DCC: variants seen among roughly 807,000 people sequenced by gnomAD.
DCC encodes DCC netrin 1 receptor, also known as netrin receptor DCC.
A neutral mutation model predicts 172.5 loss-of-function variants in DCC; 58 were observed. The ratio of observed to expected loss-of-function variants is 0.34; its 90% confidence interval spans 0.27 to 0.42. The LOEUF (loss-of-function observed/expected upper bound fraction) is 0.42, where lower values mean the gene tolerates loss of function less well. Among genes scored for constraint, DCC ranks in the 10% least tolerant of loss-of-function variants. The pLI is 1.00. For synonymous variants in DCC, 709 were observed against 644.5 expected (o/e 1.10, Z -1.52); for missense variants, 1,740 against 1,791.0 (o/e 0.97, Z 0.51).
intron 1 of DCC, among the ~76,000 whole-genome samples, chr18:52,468,423 C>G (rs1418848139): frequency 6.6e-6 from 1 of 152,194 alleles, no homozygotes; most frequent in Non-Finnish European, 1.5e-5. Context: ...TTGCAGGGCT[C>G]TTTGGAAACA....
At chr18:52,728,718 C>T (rs761719806) in intron 1 of DCC, among the ~76,000 whole-genome samples, 1 of 152,162 alleles carries the variant, frequency 6.6e-6, no homozygotes, top group Non-Finnish European at 1.5e-5. Flanking sequence ...CAGGAATGCA[C>T]AAGCTAACAT....
At chr18:52,559,439 C>T (rs1393987947) in intron 1 of DCC, among the ~76,000 whole-genome samples, 1 of 152,128 alleles carries the variant, frequency 6.6e-6, no homozygotes, top group Non-Finnish European at 1.5e-5. Context: ...ATATATAATT[C>T]CATCTCTATT....
intron 1 of DCC, among the ~76,000 whole-genome samples, chr18:52,475,171 C>A (rs1989058004): frequency 6.6e-6 from 1 of 152,136 alleles, no homozygotes; most frequent in Admixed American, 6.6e-5. Context: ...TTCTTCATGT[C>A]TAGAGATAGA....
intron 15 of DCC, among the ~76,000 whole-genome samples, chr18:53,352,617 T>A (rs1226133789): frequency 1.3e-5 from 2 of 152,196 alleles, no homozygotes; most frequent in Non-Finnish European, 2.9e-5. Flanking sequence ...TGTGTTTTTA[T>A]AATTACAGTG....
At chr18:53,335,455 A>G (rs2057581125) in intron 14 of DCC, among the ~76,000 whole-genome samples, 1 of 152,216 alleles carries the variant, frequency 6.6e-6, no homozygotes, top group Non-Finnish European at 1.5e-5. Context: ...ATAATACATG[A>G]CCGAGTATGC....
rs140197390 is a variant in DCC at position 53,098,361 on chromosome 18, A to G, written c.1261+32195A>G. On this transcript the variant is annotated intron_variant, in intron 7 of 28. Coordinates refer to ENST00000442544, the MANE Select transcript of DCC (RefSeq NM_005215.4). The stretch of plus-strand genomic sequence containing the variant: ...ATAATATCCTTGAAAGTAAAGGGTA[A>G]GATCCAGGATCATTCATTGTACATA... Among the ~76,000 whole-genome samples the G allele has an allele frequency of 3.9e-5, 6 of 152,262 alleles. No homozygotes were observed. In the East Asian group the frequency reaches 1.2e-3, roughly 29 times the overall value.
intron 1 of DCC, among the ~76,000 whole-genome samples, chr18:52,550,977 C>G (rs1389604829): frequency 6.6e-6 from 1 of 151,536 alleles, no homozygotes; most frequent in South Asian, 2.1e-4. Flanking sequence ...TAATGATAAC[C>G]TGGAATAAGA....
chr18:52,805,084 G>C (rs1242544592), intron 2 of DCC, among the ~76,000 whole-genome samples: 1 of 151,874 alleles, frequency 6.6e-6, no homozygotes, highest in Non-Finnish European at 1.5e-5. Context: ...CTCAATTAAG[G>C]GTAGCAATTC....
intron 25 of DCC, among the ~76,000 whole-genome samples, chr18:53,482,048 TTGTGTGTTTGTGTGTATG>T (rs1299032621): frequency 6.6e-6 from 1 of 151,954 alleles, no homozygotes; most frequent in East Asian, 1.9e-4. Context: ...GTTGAAGCAT[TTGTGTGTTTGTGTGTATG>T]TGTGTGTTTG....
At chr18:52,828,090 A>C (rs932690225) in intron 2 of DCC, among the ~76,000 whole-genome samples, 1 of 152,008 alleles carries the variant, frequency 6.6e-6, no homozygotes, top group Admixed American at 6.6e-5. Context: ...CAATTCCCAC[A>C]TGCCCCATGC....
At chr18:52,525,477 A>T (rs12604911) in intron 1 of DCC, among the ~76,000 whole-genome samples, 9,946 of 152,250 alleles carry the variant, frequency 0.065, 707 homozygotes, top group East Asian at 0.39. Context: ...ATTTATCTAG[A>T]TATAGTCATC....
At chr18:52,432,004 T>C (rs946868085) in intron 1 of DCC, among the ~76,000 whole-genome samples, 19 of 152,302 alleles carry the variant, frequency 1.2e-4, no homozygotes, top group African/African-American at 3.8e-4. Flanking sequence ...CTCCCTCTGC[T>C]GATTCTTCTT....
rs148440420 is a variant in DCC, at chr18:53,013,019, G to A, written c.986-50286G>A. Among the ~76,000 whole-genome samples, 1,140 of 152,232 alleles carry A rather than the reference G, an allele frequency of 7.5e-3. 11 individuals carry two copies. The highest frequency in any genetic ancestry group is 0.01 in the Non-Finnish European group (683 of 68,002). On this transcript the variant is annotated intron_variant, in intron 5 of 28. Transcript: ENST00000442544. The stretch of plus-strand genomic sequence containing the variant: ...GAGAAATGCAAATCAAAACCACAAT[G>A]AGATACCATTTCATACCGTTAGAAT...
Position 52,818,568 on chromosome 18 carries a change from G to C in DCC, c.412+66194G>C, listed in dbSNP as rs571866637. ...CTTACTGAGCTTATTGATGCAAATG[G>C]CCTGCTCTGGGATACTAAAAGATAT... On this transcript the variant is annotated intron_variant, in intron 2 of 28. Transcript: ENST00000442544. Among the ~76,000 whole-genome samples the C allele has an allele frequency of 2.0e-5, 3 of 152,162 alleles. No homozygotes were observed. The South Asian group carries it at 6.2e-4, about 32-fold the overall frequency.
chr18:52,442,598 T>G (rs530219237), intron 1 of DCC, among the ~76,000 whole-genome samples: 8 of 152,286 alleles, frequency 5.3e-5, no homozygotes, highest in Non-Finnish European at 7.4e-5. Context: ...TCTCACTCTT[T>G]CTTAGCTTTC....
At chr18:52,431,202 G>A (rs1987610283) in intron 1 of DCC, among the ~76,000 whole-genome samples, 1 of 152,092 alleles carries the variant, frequency 6.6e-6, no homozygotes, top group East Asian at 1.9e-4. Context: ...GACCCAGCAA[G>A]CTGCACTTTT....
At chr18:53,503,418 T>C (rs2046129155) in intron 27 of DCC, among the ~76,000 whole-genome samples, 1 of 152,178 alleles carries the variant, frequency 6.6e-6, no homozygotes, top group Non-Finnish European at 1.5e-5. Flanking sequence ...CATTTTTTAA[T>C]GCTTTATCTA....
At chr18:52,781,824 A>T (rs997689921) in intron 2 of DCC, among the ~76,000 whole-genome samples, 1 of 152,102 alleles carries the variant, frequency 6.6e-6, no homozygotes, top group African/African-American at 2.4e-5. Context: ...ATTGGATGTT[A>T]TACCCATCTA....
intron 1 of DCC, among the ~76,000 whole-genome samples, chr18:52,576,601 G>T (rs142308537): frequency 2.6e-5 from 4 of 152,204 alleles, no homozygotes; most frequent in Admixed American, 2.6e-4. Context: ...AGGCCGAGGC[G>T]TGTGGATCAC....
Sources: gnomAD v4.1 joint callset for allele counts (sites outside exome capture counted in the v4.1 genomes callset) on GRCh38, gnomAD v4.1.1 for gene constraint, MANE v1.5 for transcripts, NCBI Gene and HGNC (gene_info 2026-07-23, HGNC 2026-07-21) for gene names.